Variants in FYB1 observed in about 807,000 individuals in gnomAD.
FYB1 encodes FYN-binding protein 1.
FYB1 carries 41 observed loss-of-function variants against 94.1 expected under a neutral mutation model. The observed-to-expected ratio is 0.44, with a 90% CI of 0.34 to 0.57. FYB1 has a LOEUF of 0.57. FYB1 is among the 20% of genes least tolerant of loss of function. The pLI, the probability that FYB1 is intolerant of heterozygous loss-of-function variation, is 0.02. For missense variants in FYB1, 1,050 were observed against 976.8 expected, an observed-to-expected ratio of 1.07 and a Z score of -1.00; for synonymous variants, 367 against 353.2, an observed-to-expected ratio of 1.04 and a Z score of -0.44.
At chr5:39,210,339 T>C (rs1312405662) in intron 1 of FYB1, among the ~76,000 whole-genome samples, 1 of 152,242 alleles carries the variant, frequency 6.6e-6, no homozygotes, top group East Asian at 1.9e-4. Context: ...ACCACAGATA[T>C]CGCTGTGCAT....
chr5:39,141,676 C>T (rs1742197171), intron 3 of FYB1, among the ~76,000 whole-genome samples: 1 of 151,832 alleles, frequency 6.6e-6, no homozygotes, highest in African/African-American at 2.4e-5. Context: ...GACATAAAAC[C>T]AATGATAAAA....
At position 39,267,069 on chromosome 5, in the gene FYB1, C is replaced by T. The variant is rs144464367; in HGVS notation, c.-28+7334G>A. ...TGTGGCTGTTAGAAAATTACTTACT[C>T]TCTACAAGACTCAGTTTACTCAACT... On this transcript the variant is annotated intron_variant, in intron 1 of 1. Coordinates refer to the FYB1 transcript ENST00000510188. Among the ~76,000 whole-genome samples, 823 of 152,276 alleles carry T rather than the reference C, an allele frequency of 5.4e-3. 7 individuals are homozygous for T. The highest frequency in any genetic ancestry group is 0.018 in the African/African-American group (745 of 41,558).
intron 2 of FYB1, among the ~76,000 whole-genome samples, chr5:39,155,725 A>G (rs6451414): frequency 0.33 from 49,868 of 151,916 alleles, 8,696 homozygotes; most frequent in East Asian, 0.54. Flanking sequence ...CTTTAAAATT[A>G]TTAGTAATTT....
intron 2 of FYB1, among the ~76,000 whole-genome samples, chr5:39,191,961 AT>A (rs1747401847): frequency 6.6e-6 from 1 of 152,242 alleles, no homozygotes; most frequent in Non-Finnish European, 1.5e-5. Context: ...GCACAAAGAC[AT>A]TCTTCTGGCA....
chr5:39,116,108 G>A (rs1381995534), intron 16 of FYB1, among the ~76,000 whole-genome samples: 1 of 152,172 alleles, frequency 6.6e-6, no homozygotes, highest in Non-Finnish European at 1.5e-5. Context: ...GCATGATCAA[G>A]CTCCAATAAT....
At chr5:39,162,056 A>G (rs944143692) in intron 2 of FYB1, among the ~76,000 whole-genome samples, 19 of 152,226 alleles carry the variant, frequency 1.2e-4, no homozygotes, top group Non-Finnish European at 5.9e-5. Flanking sequence ...ATATTTCATC[A>G]TATGTCACAT....
At chr5:39,170,750 T>C (rs1428745524) in intron 2 of FYB1, among the ~76,000 whole-genome samples, 1 of 152,172 alleles carries the variant, frequency 6.6e-6, no homozygotes, top group Admixed American at 6.5e-5. Context: ...CTTCCTATCA[T>C]AAATTCCAAA....
At chr5:39,181,030 G>A (rs1746177253) in intron 2 of FYB1, among the ~76,000 whole-genome samples, 1 of 152,150 alleles carries the variant, frequency 6.6e-6, no homozygotes, top group African/African-American at 2.4e-5. Flanking sequence ...CAGTTCAAAG[G>A]TGTTTTGCTG....
rs1240730186 is a variant in FYB1 at position 39,122,385 on chromosome 5, A to G, written c.2089T>C (p.Tyr697His). The G allele has an allele frequency of 6.3e-7, 1 of 1,578,024 alleles. No homozygotes were observed. The highest frequency in any genetic ancestry group is 1.8e-5 in the Admixed American group (1 of 55,690). ...AAATCAGAGGTATCCACATCATCGT[A>G]AACTTCATCTCCCATGTCTAACAAA... is the stretch of plus-strand genomic sequence containing the variant. The part of the protein sequence containing the change: ...PKQLDMGDEV[Y>H]DDVDTSDFPV... Residue 697 changes from tyrosine to histidine, a missense_variant, in exon 14 of 19, where the codon TAC (tyrosine) becomes CAC (histidine). Tyr to His is a moderately conservative substitution (Grantham distance 83, BLOSUM62 2). Transcript: ENST00000512982.
chr5:39,198,054 G>A (rs187012391), intron 2 of FYB1, among the ~76,000 whole-genome samples: 43 of 152,196 alleles, frequency 2.8e-4, no homozygotes, highest in African/African-American at 1.0e-3. Flanking sequence ...AAATTTTAAT[G>A]CTAATAAAAG....
chr5:39,140,222 G>T (rs953650225), intron 4 of FYB1, among the ~76,000 whole-genome samples: 1 of 152,148 alleles, frequency 6.6e-6, no homozygotes, highest in African/African-American at 2.4e-5. Context: ...GAAGATATTT[G>T]CAATGTTTGA....
intron 7 of FYB1, among the ~76,000 whole-genome samples, chr5:39,135,471 A>G (rs1741603202): frequency 6.6e-6 from 1 of 152,256 alleles, no homozygotes; most frequent in African/African-American, 2.4e-5. Flanking sequence ...TTCAGAAATA[A>G]GCTTGTAAAT....
At chr5:39,124,132 G>A (rs1015980255) in intron 13 of FYB1, 121 bp downstream of exon 13, 3 of 698,000 alleles carry the variant, frequency 4.3e-6, no homozygotes, top group Admixed American at 3.8e-5. Flanking sequence ...CTTGCTCAAG[G>A]CTACACAATT....
chr5:39,229,315 G>A (rs1750619474), intron 1 of FYB1, among the ~76,000 whole-genome samples: 2 of 152,136 alleles, frequency 1.3e-5, no homozygotes. Flanking sequence ...CACGAAATAC[G>A]AAGCTAATTT....
chr5:39,248,798 C>A (rs1467906244), intron 1 of FYB1, among the ~76,000 whole-genome samples: 1 of 152,126 alleles, frequency 6.6e-6, no homozygotes, highest in Non-Finnish European at 1.5e-5. Flanking sequence ...GATCATGCCA[C>A]TGAACTCCAG....
At chr5:39,200,054 T>C (rs1748177369) in intron 2 of FYB1, among the ~76,000 whole-genome samples, 1 of 152,126 alleles carries the variant, frequency 6.6e-6, no homozygotes, top group African/African-American at 2.4e-5. Context: ...TCTCAAGGCA[T>C]CAGATGTTGA....
At chr5:39,231,090 G>T (rs1325439415) in intron 1 of FYB1, among the ~76,000 whole-genome samples, 2 of 138,516 alleles carry the variant, frequency 1.4e-5, no homozygotes, top group African/African-American at 5.5e-5. Context: ...TATTAATCAA[G>T]ACATATTTAT....
intron 3 of FYB1, among the ~76,000 whole-genome samples, chr5:39,143,074 T>C (rs1229880698): frequency 2.0e-5 from 3 of 152,228 alleles, no homozygotes; most frequent in African/African-American, 7.2e-5. Flanking sequence ...TGGTTTTATG[T>C]ACCTCCATAG....
At chr5:39,120,600 T>C (rs1274979303) in intron 14 of FYB1, among the ~76,000 whole-genome samples, 2 of 152,178 alleles carry the variant, frequency 1.3e-5, no homozygotes, top group African/African-American at 4.8e-5. Context: ...TCCCACATGA[T>C]ATTAATTTGT....
Sources: allele counts gnomAD v4.1 joint callset (sites outside exome capture counted in the v4.1 genomes callset), GRCh38; gene constraint gnomAD v4.1.1; transcripts MANE v1.5; gene names NCBI Gene and HGNC (gene_info 2026-07-23, HGNC 2026-07-21).